Variants in RBM26 observed in about 807,000 individuals in gnomAD.
The protein encoded by RBM26 is RNA binding motif protein 26.
Under a neutral mutation model 123.6 loss-of-function variants are expected in RBM26, and 30 were observed. The ratio of observed to expected loss-of-function variants is 0.24; its 90% CI spans 0.18 to 0.33. RBM26 has a LOEUF of 0.33. Among genes scored for constraint, RBM26 ranks in the 10% least tolerant of loss-of-function variants. RBM26 has a pLI of 1.00. For missense variants in RBM26, 947 were observed against 1,203.6 expected, an observed-to-expected ratio of 0.79 and a Z score of 3.15; for synonymous variants, 400 against 404.4, an observed-to-expected ratio of 0.99 and a Z score of 0.13.
At chr13:79,323,027 C>T (rs963010819) in intron 20 of RBM26, among the ~76,000 whole-genome samples, 1 of 150,902 alleles carries the variant, frequency 6.6e-6, no homozygotes, top group African/African-American at 2.4e-5. Flanking sequence ...AAAACTAAAA[C>T]AAAATATAAG....
intron 9 of RBM26, among the ~76,000 whole-genome samples, chr13:79,362,151 G>A (rs1324401781): frequency 1.3e-5 from 2 of 151,996 alleles, no homozygotes; most frequent in Non-Finnish European, 2.9e-5. Context: ...TGCCCCAGGG[G>A]GACAAGAAGT....
chr13:79,370,067 T>A (rs1430539604), intron 5 of RBM26, among the ~76,000 whole-genome samples: 1 of 152,144 alleles, frequency 6.6e-6, no homozygotes, highest in African/African-American at 2.4e-5. Flanking sequence ...CCCAGCACTT[T>A]GGGAGGCTGA....
At chr13:79,357,063 A>T (rs1413189687) in intron 11 of RBM26, among the ~76,000 whole-genome samples, 1 of 151,616 alleles carries the variant, frequency 6.6e-6, no homozygotes, top group Non-Finnish European at 1.5e-5. Context: ...TTGTGTACAG[A>T]TAAATAGACA....
chr13:79,389,466 T>C (rs972186108), intron 1 of RBM26: 10 of 151,944 alleles, frequency 6.6e-5, no homozygotes, highest in Admixed American at 5.9e-4. Context: ...GGAAAAAAAA[T>C]AGTTATTTGG....
intron 1 of RBM26, among the ~76,000 whole-genome samples, chr13:79,380,996 TTAAG>T (rs2140261913): frequency 6.6e-6 from 1 of 152,234 alleles, no homozygotes; most frequent in South Asian, 2.1e-4. Context: ...GCTAAAATTA[TTAAG>T]ATTTTACAAG....
chr13:79,355,515 T>C, intron 11 of RBM26, 131 bp from the exon 12 acceptor site: 1 of 651,346 alleles, frequency 1.5e-6, no homozygotes, highest in Non-Finnish European at 2.6e-6. Context: ...GGTATCTGGA[T>C]TAGTAGACCA....
Position 79,374,196 on chromosome 13 carries a change from C to CAGTG in RBM26, c.328-2270_328-2267dup, listed in dbSNP as rs111696617. 2.6e-5 allele frequency among the ~76,000 whole-genome samples: 4 copies of CAGTG among 152,242 alleles called. 1 individual carries two copies. Among genetic ancestry groups the CAGTG allele is most frequent in the African/African-American group, 9.6e-5 (4 of 41,534 alleles). On this transcript the variant is annotated intron_variant, in intron 3 of 21. Transcript: ENST00000438737. ...AGAATGTACCACTTTATGCTGGGCA[C>CAGTG]AGTGGCTCACACCTATAATCCCAGC...
At position 79,344,781 on chromosome 13, in the gene RBM26, G is replaced by A. The variant is rs375480130; in HGVS notation, c.2072C>T (p.Ser691Phe). The A allele has an allele frequency of 6.2e-6, 10 of 1,612,268 alleles. No homozygotes were observed. In the African/African-American group the frequency reaches 1.3e-4, roughly 22 times the overall value. The stretch of plus-strand genomic sequence containing the variant: ...ATACACTGTTTTTGTTAGGCCAGTA[G>A]ATGTAGACAACACCTACCAATACAA... ...VSATEKVLST[S>F]TGLTKTVYNP... Residue 691 changes from serine to phenylalanine, a missense_variant, in exon 15 of 22, where the codon TCT (serine) becomes TTT (phenylalanine). Physicochemically the swap from Ser to Phe is radical, Grantham distance 155. Coordinates refer to ENST00000438737, the MANE Select transcript of RBM26 (RefSeq NM_001366735.2).
At position 79,355,305 on chromosome 13, in the gene RBM26, G is replaced by A. The variant is rs1329394798; in HGVS notation, c.1769C>T (p.Thr590Met). 8 of 1,613,668 alleles carry A rather than the reference G, an allele frequency of 5.0e-6. No homozygotes were observed. The highest frequency in any genetic ancestry group is 4.2e-6 in the Non-Finnish European group (5 of 1,179,748). ...AAAGCGATTGTTTAATACTGCTTCC[G>A]TACTTGATATTGCTTTCTTTGCTTC... ...YEEAKKAISS[T>M]EAVLNNRFIK... The change falls in exon 12 of 22, where the codon ACG becomes ATG. Residue 590 changes from threonine (T) to methionine (M), a missense_variant. Thr to Met is a moderately conservative substitution (Grantham distance 81, BLOSUM62 -1). This residue lies in a region of RBM26 where 493 missense variants were observed against 563.1 expected (regional missense o/e 0.88). Transcript: ENST00000438737.
At chr13:79,320,742 C>CAAAAAAAAAAAAAAA (rs34668220) in intron 21 of RBM26, 32 bp from the exon 22 acceptor site, 1 of 1,007,206 alleles carries the variant, frequency 9.9e-7, no homozygotes, top group Non-Finnish European at 1.3e-6. Flanking sequence ...GGAATTTACC[C>CAAAAAAAAAAAAAAA]AAAAAAAAAA....
At chr13:79,359,187 T>C (rs943425936) in intron 10 of RBM26, among the ~76,000 whole-genome samples, 1 of 152,176 alleles carries the variant, frequency 6.6e-6, no homozygotes, top group Non-Finnish European at 1.5e-5. Context: ...AAGCCCTTTC[T>C]AGCTCCTACC....
chr13:79,337,365 C>T (rs2070625904), intron 18 of RBM26, 63 bp from the exon 19 acceptor site: 4 of 1,557,816 alleles, frequency 2.6e-6, no homozygotes, highest in Admixed American at 1.7e-5. Flanking sequence ...CCAAGCATTA[C>T]ACTCTGGCAG....
intron 5 of RBM26, 89 bp from the exon 6 acceptor site, chr13:79,369,079 C>CAT (rs1775869832): frequency 1.2e-6 from 1 of 821,764 alleles, no homozygotes; most frequent in African/African-American, 1.8e-5. Flanking sequence ...TTTTTATAAA[C>CAT]ATAGAAAAAA....
chr13:79,358,463 A>G, intron 10 of RBM26, 30 bp from the exon 11 acceptor site: 4 of 1,581,330 alleles, frequency 2.5e-6, no homozygotes, highest in Non-Finnish European at 3.4e-6. Context: ...TAGTCAATAC[A>G]TTTATAAATC....
At position 79,339,430 on chromosome 13, in the gene RBM26, C is replaced by A. The variant is rs528361512; in HGVS notation, c.2532+1693G>T. 2.0e-5 allele frequency among the ~76,000 whole-genome samples: 3 copies of A among 151,964 alleles called. No homozygotes were observed. The East Asian group carries it at 5.8e-4, about 29-fold the overall frequency. ...TAGAGTTTAAATGTTCAATTTTCAT[C>A]AAAAAAATCACAAGTATGTGGGGTG... On this transcript the variant is annotated intron_variant, in intron 18 of 21. Coordinates refer to ENST00000438737, the MANE Select transcript of RBM26 (RefSeq NM_001366735.2).
chr13:79,373,632 T>C (rs1255657797), intron 3 of RBM26, among the ~76,000 whole-genome samples: 2 of 87,264 alleles, frequency 2.3e-5, no homozygotes, highest in African/African-American at 9.7e-5. Flanking sequence ...TATATTACTA[T>C]ATATATTTAT....
intron 1 of RBM26, chr13:79,389,525 T>C (rs914691234): frequency 6.6e-6 from 1 of 152,178 alleles, no homozygotes; most frequent in Non-Finnish European, 1.5e-5. Context: ...AAGAACAGAA[T>C]GGTTACATAA....
At chr13:79,368,049 G>A (rs1389631138) in intron 6 of RBM26, among the ~76,000 whole-genome samples, 8 of 143,668 alleles carry the variant, frequency 5.6e-5, no homozygotes, top group Non-Finnish European at 1.0e-4. Flanking sequence ...TTTTTGAGAC[G>A]GAGTCTCGCT....
At chr13:79,337,582 G>C (rs1014057121) in intron 18 of RBM26, among the ~76,000 whole-genome samples, 14 of 152,130 alleles carry the variant, frequency 9.2e-5, no homozygotes, top group Non-Finnish European at 1.9e-4. Flanking sequence ...ATCACAAAAA[G>C]ATCAGCAACT....
Sources: allele counts gnomAD v4.1 joint callset (sites outside exome capture counted in the v4.1 genomes callset), GRCh38; gene constraint gnomAD v4.1.1; regional missense constraint gnomAD v4.1.1; transcripts MANE v1.5; gene names NCBI Gene and HGNC (gene_info 2026-07-23, HGNC 2026-07-21).